The following RYR2 variants were observed in gnomAD, a reference collection of about 807,000 sequenced individuals.
RYR2 encodes the protein ryanodine receptor 2, also known as cardiac muscle ryanodine receptor-calcium release channel.
A neutral mutation model predicts 601.1 loss-of-function variants in RYR2; 227 were observed. The observed-to-expected ratio is 0.38, with a 90% confidence interval of 0.34 to 0.42. The LOEUF (loss-of-function observed/expected upper bound fraction) is 0.42. Ranked by LOEUF, RYR2 falls within the 10% of genes least tolerant of loss-of-function variation. RYR2 has a pLI of 1.00. For synonymous variants in RYR2, 2,223 were observed against 2,175.1 expected (o/e 1.02, Z -0.61); for missense variants, 4,646 against 6,156.5 (o/e 0.75, Z 8.21).
At chr1:237,662,469 A>T (rs939038006) in intron 56 of RYR2, among the ~76,000 whole-genome samples, 1 of 137,336 alleles carries the variant, frequency 7.3e-6, no homozygotes, top group South Asian at 2.5e-4. Context: ...AAGGCACTAC[A>T]CAGTATAGAG....
At chr1:237,430,448 ATCT>A (rs1706693194) in intron 12 of RYR2, among the ~76,000 whole-genome samples, 1 of 152,108 alleles carries the variant, frequency 6.6e-6, no homozygotes, top group Non-Finnish European at 1.5e-5. Flanking sequence ...TTAAAAAGAA[ATCT>A]TCATACTTGT....
chr1:237,812,731 G>A (rs1165438458), intron 100 of RYR2, among the ~76,000 whole-genome samples: 1 of 151,948 alleles, frequency 6.6e-6, no homozygotes, highest in Non-Finnish European at 1.5e-5. Context: ...CTTCTTCTCC[G>A]ATTAATTGCT....
At chr1:237,250,055 T>G (rs988437367) in intron 1 of RYR2, among the ~76,000 whole-genome samples, 2 of 152,204 alleles carry the variant, frequency 1.3e-5, no homozygotes, top group African/African-American at 4.8e-5. Context: ...CTTAGAACGG[T>G]CTTTCTTAAT....
chr1:237,217,553 GGGAATAATAATAGCA>G lies in RYR2; in HGVS notation c.49-52943_49-52929del, dbSNP rs1290975078. Among the ~76,000 whole-genome samples, 7 of 152,236 alleles carry G rather than the reference GGGAATAATAATAGCA, an allele frequency of 4.6e-5. No individual in the cohort carries two copies. In the East Asian group the frequency reaches 1.4e-3, roughly 29 times the overall value. Reference sequence around the variant, plus strand: ...GCCTTCGTTTCCTTCTCTGTCAAATGGGAATAATAATAGCACCAAGTTCATAGGACGGCAGAGTAT... The same window carrying G: ...GCCTTCGTTTCCTTCTCTGTCAAATGCCAAGTTCATAGGACGGCAGAGTAT... On this transcript the variant is annotated intron_variant, in intron 1 of 104. Transcript: ENST00000366574.
intron 17 of RYR2, among the ~76,000 whole-genome samples, chr1:237,480,098 A>G (rs540509153): frequency 1.5e-4 from 23 of 152,008 alleles, no homozygotes; most frequent in Non-Finnish European, 2.4e-4. Context: ...CCCCCAGAAA[A>G]CCAGAACCAT....
intron 1 of RYR2, among the ~76,000 whole-genome samples, chr1:237,173,428 T>C (rs1677644491): frequency 6.6e-6 from 1 of 152,164 alleles, no homozygotes; most frequent in Admixed American, 6.5e-5. Context: ...TCTCACTGGG[T>C]TGTGGAGAGA....
intron 2 of RYR2, among the ~76,000 whole-genome samples, chr1:237,290,992 G>T (rs1348145724): frequency 6.6e-6 from 1 of 152,096 alleles, no homozygotes; most frequent in Non-Finnish European, 1.5e-5. Flanking sequence ...ATGGAAAATG[G>T]TGACAAAGAT....
intron 17 of RYR2, among the ~76,000 whole-genome samples, chr1:237,475,190 C>G (rs183998844): frequency 4.1e-4 from 62 of 152,326 alleles, no homozygotes; most frequent in African/African-American, 1.4e-3. Context: ...TAACACAGAA[C>G]CAGCTCCCGG....
At chr1:237,278,658 A>G (rs1311527646) in intron 2 of RYR2, among the ~76,000 whole-genome samples, 1 of 152,148 alleles carries the variant, frequency 6.6e-6, no homozygotes, top group Non-Finnish European at 1.5e-5. Flanking sequence ...TCATGGGCAG[A>G]CCTTTTTAAA....
chr1:237,520,926 C>G (rs1667022956), intron 24 of RYR2, among the ~76,000 whole-genome samples: 1 of 152,036 alleles, frequency 6.6e-6, no homozygotes, highest in Non-Finnish European at 1.5e-5. Context: ...ATCCCAGCTA[C>G]TCAAGGAGGC....
intron 1 of RYR2, among the ~76,000 whole-genome samples, chr1:237,231,544 A>G (rs932101223): frequency 2.6e-5 from 4 of 152,170 alleles, no homozygotes; most frequent in African/African-American, 9.7e-5. Flanking sequence ...GCTTATTAAA[A>G]TAAATGTCAA....
intron 1 of RYR2, among the ~76,000 whole-genome samples, chr1:237,230,716 C>G (rs2149186157): frequency 6.6e-6 from 1 of 152,174 alleles, no homozygotes; most frequent in African/African-American, 2.4e-5. Flanking sequence ...GTCAGGAGTT[C>G]AAGACCAGCC....
At chr1:237,567,113 G>GGTAT (rs78651728) in intron 28 of RYR2, among the ~76,000 whole-genome samples, 139,505 of 152,010 alleles carry the variant, frequency 0.92, 64,687 homozygotes, top group East Asian at 1. Flanking sequence ...TATAATTAGT[G>GGTAT]GTTTGTATGA....
intron 10 of RYR2, among the ~76,000 whole-genome samples, chr1:237,391,426 A>G (rs1702375188): frequency 6.6e-6 from 1 of 152,190 alleles, no homozygotes; most frequent in Non-Finnish European, 1.5e-5. Flanking sequence ...TGTAATTATG[A>G]TCTGGCTATA....
rs375026359 is a variant in RYR2 at position 237,690,599 on chromosome 1, C to T, written c.9067+3095C>T. ...ACACAGGGCCAGGCACAGTGGCTCA[C>T]GCCTGGAATCCCAGCACTTTGGGAG... On this transcript the variant is annotated intron_variant, in intron 63 of 104. Transcript: ENST00000366574. Among the ~76,000 whole-genome samples the T allele has an allele frequency of 8.5e-5, 13 of 152,292 alleles. No homozygotes were observed. The East Asian group carries it at 1.4e-3, about 16-fold the overall frequency.
chr1:237,678,445 G>C lies in RYR2; in HGVS notation c.8895+333G>C, dbSNP rs547976684. On this transcript the variant is annotated intron_variant, in intron 61 of 104. Transcript: ENST00000366574. ...ATATTGTTATGATTTAAAATTTCTA[G>C]TTGAGAATTTCTTTTATAAATAGGA... Among the ~76,000 whole-genome samples, 19 of 152,204 alleles carry C rather than the reference G, an allele frequency of 1.2e-4. No individual in the cohort carries two copies. The East Asian group carries it at 3.7e-3, about 29-fold the overall frequency.
chr1:237,149,697 T>C (rs1414887243), intron 1 of RYR2, among the ~76,000 whole-genome samples: 1 of 152,234 alleles, frequency 6.6e-6, no homozygotes, highest in Non-Finnish European at 1.5e-5. Flanking sequence ...AGTTTAACTT[T>C]TATTTTGACT....
At chr1:237,730,137 A>G (rs1690545617) in intron 76 of RYR2, 123 bp from the exon 77 acceptor site, 4 of 625,722 alleles carry the variant, frequency 6.4e-6, no homozygotes, top group Non-Finnish European at 1.2e-5. Flanking sequence ...AGAGTCAAGA[A>G]TAGAGAATTT....
At chr1:237,744,054 A>G (rs974116571) in intron 80 of RYR2, among the ~76,000 whole-genome samples, 2 of 152,168 alleles carry the variant, frequency 1.3e-5, no homozygotes, top group Admixed American at 6.6e-5. Context: ...CTGCTTTTCC[A>G]TTGTGCTAGT....
Sources: gnomAD v4.1 joint callset for allele counts (sites outside exome capture counted in the v4.1 genomes callset) on GRCh38, gnomAD v4.1.1 for gene constraint, MANE v1.5 for transcripts, NCBI Gene and HGNC (gene_info 2026-07-23, HGNC 2026-07-21) for gene names.